The following PCDH11X variants were observed in gnomAD, a reference collection of about 807,000 sequenced individuals.
PCDH11X encodes protocadherin 11 X-linked, also known as protocadherin-11 X-linked.
Under a neutral mutation model 53.3 loss-of-function variants are expected in PCDH11X, and 18 were observed. That is an observed-to-expected ratio of 0.34 (90% CI 0.23 to 0.50). The LOEUF (loss-of-function observed/expected upper bound fraction) is 0.50, where lower values mean the gene tolerates loss of function less well. PCDH11X is among the 20% of genes least tolerant of loss of function. The probability of loss-of-function intolerance (pLI) is 0.98; values close to 1 mark genes in which losing one functional copy is unlikely to be tolerated. For synonymous variants in PCDH11X, 279 were observed against 393.3 expected (o/e 0.71, Z 3.44); for missense variants, 570 against 1,032.4 (o/e 0.55, Z 6.14).
chrX:92,038,365 C>T (rs4893298), intron 6 of PCDH11X, among the ~76,000 whole-genome samples: 9,246 of 109,968 alleles, frequency 0.084, 409 homozygotes, highest in East Asian at 0.28. Flanking sequence ...GCCCTATGTC[C>T]CAGGAGCTCC....
intron 7 of PCDH11X, among the ~76,000 whole-genome samples, chrX:92,247,361 T>C (rs899717146): frequency 3.6e-5 from 4 of 111,650 alleles, no homozygotes; most frequent in Non-Finnish European, 7.5e-5. Flanking sequence ...TTAAAAAAAA[T>C]AAATTAGTTA....
intron 10 of PCDH11X, among the ~76,000 whole-genome samples, chrX:92,567,191 G>T (rs1602346937): frequency 9.5e-6 from 1 of 105,582 alleles, no homozygotes; most frequent in African/African-American, 3.4e-5. Flanking sequence ...ATAGGAATAA[G>T]CATTGAATGA....
At chrX:92,464,416 G>A (rs1039495188) in intron 9 of PCDH11X, among the ~76,000 whole-genome samples, 2 of 110,284 alleles carry the variant, frequency 1.8e-5, no homozygotes, top group African/African-American at 6.6e-5. Flanking sequence ...GTTTTATAAG[G>A]GGCTTTTCCC....
At chrX:92,169,298 CAA>C (rs1304004109) in intron 6 of PCDH11X, among the ~76,000 whole-genome samples, 3 of 62,181 alleles carry the variant, frequency 4.8e-5, no homozygotes, top group Non-Finnish European at 1.1e-4. Flanking sequence ...TCAGAGCTTA[CAA>C]AAAAATGCTT....
chrX:92,157,401 G>A (rs192475302), intron 6 of PCDH11X, among the ~76,000 whole-genome samples: 1,456 of 111,541 alleles, frequency 0.013, 56 homozygotes, highest in Admixed American at 0.12. Flanking sequence ...AATGTAATTT[G>A]CCTTTCATTA....
At chrX:91,790,188 T>G (rs907688010) in intron 1 of PCDH11X, among the ~76,000 whole-genome samples, 2 of 111,963 alleles carry the variant, frequency 1.8e-5, no homozygotes, top group Admixed American at 9.5e-5. Context: ...TAAATTTGAT[T>G]TTAACCTTTT....
intron 7 of PCDH11X, among the ~76,000 whole-genome samples, chrX:92,235,494 G>T (rs1240842170): frequency 9.0e-6 from 1 of 111,200 alleles, no homozygotes; most frequent in Non-Finnish European, 1.9e-5. Flanking sequence ...TTTAACACAG[G>T]TGTTCCAAAT....
At chrX:92,559,440 T>TACAC (rs199701051) in intron 10 of PCDH11X, among the ~76,000 whole-genome samples, 4,274 of 100,417 alleles carry the variant, frequency 0.043, 215 homozygotes, top group African/African-American at 0.13. Flanking sequence ...CAAGTATCTT[T>TACAC]ACACACACAC....
chrX:92,506,636 G>GTT (rs201535023), intron 10 of PCDH11X, among the ~76,000 whole-genome samples: 1,272 of 89,168 alleles, frequency 0.014, 25 homozygotes, highest in African/African-American at 0.048. Flanking sequence ...CAGTTTGCTA[G>GTT]TTTTTTTTTT....
At chrX:92,481,804 GCT>G (rs1370857441) in intron 10 of PCDH11X, among the ~76,000 whole-genome samples, 1 of 108,851 alleles carries the variant, frequency 9.2e-6, no homozygotes, top group Non-Finnish European at 1.9e-5. Context: ...TCTCTAAGCA[GCT>G]CTCTCTGCCA....
Position 92,240,839 on chromosome X carries a change from C to CT in PCDH11X, c.3115-22263dup, listed in dbSNP as rs58821721. Among the ~76,000 whole-genome samples, 881 of 102,956 alleles carry CT rather than the reference C, an allele frequency of 8.6e-3. 4 individuals carry two copies. Among genetic ancestry groups the CT allele is most frequent in the African/African-American group, 0.027 (776 of 28,537 alleles). 89.4% of individuals were successfully genotyped at this position (102,956 alleles called of 115,157 possible). ...TCAGAAGTTGTAGTAGAATAAACTA[C>CT]TTTTTTTTTTTTAGCAGTTTACTTT... On this transcript the variant is annotated intron_variant, in intron 7 of 10. Coordinates refer to ENST00000682573, the MANE Select transcript of PCDH11X (RefSeq NM_032968.5).
At chrX:91,792,053 G>A (rs1935572055) in intron 1 of PCDH11X, among the ~76,000 whole-genome samples, 1 of 107,962 alleles carries the variant, frequency 9.3e-6, no homozygotes, top group Non-Finnish European at 1.9e-5. Flanking sequence ...AGTAGAGAGG[G>A]GGTTTCACCG....
intron 9 of PCDH11X, among the ~76,000 whole-genome samples, chrX:92,456,686 A>G (rs2072914606): frequency 9.0e-6 from 1 of 111,575 alleles, no homozygotes; most frequent in Admixed American, 9.6e-5. Flanking sequence ...GACTGATAAA[A>G]TAAGTTCCTC....
At chrX:92,064,791 A>C (rs182592288) in intron 6 of PCDH11X, among the ~76,000 whole-genome samples, 4 of 107,833 alleles carry the variant, frequency 3.7e-5, no homozygotes, top group African/African-American at 1.0e-4. Flanking sequence ...CCAATACAAA[A>C]GATCAAATTT....
intron 7 of PCDH11X, among the ~76,000 whole-genome samples, chrX:92,215,120 G>A (rs2066668431): frequency 9.0e-6 from 1 of 111,347 alleles, no homozygotes; most frequent in African/African-American, 3.3e-5. Context: ...CCCAGCGTGA[G>A]CGACGCAGAA....
At chrX:91,828,918 T>G (rs746250982) in intron 4 of PCDH11X, among the ~76,000 whole-genome samples, 29 of 110,906 alleles carry the variant, frequency 2.6e-4, no homozygotes, top group Non-Finnish European at 1.9e-5. Flanking sequence ...TTGGATCTTG[T>G]TTTTAGCCAT....
At chrX:92,096,432 ATGTGTATG>A (rs1344770974) in intron 6 of PCDH11X, among the ~76,000 whole-genome samples, 4 of 65,553 alleles carry the variant, frequency 6.1e-5, no homozygotes, top group African/African-American at 1.2e-4. Context: ...AGTGGAGTGT[ATGTGTATG>A]TGTGTGTGTG....
At chrX:92,330,037 T>A (rs2069426225) in intron 8 of PCDH11X, among the ~76,000 whole-genome samples, 1 of 110,877 alleles carries the variant, frequency 9.0e-6, no homozygotes, top group Non-Finnish European at 1.9e-5. Context: ...GGATACCTCA[T>A]TTACTCTGAT....
intron 10 of PCDH11X, among the ~76,000 whole-genome samples, chrX:92,559,322 T>C (rs2075096296): frequency 9.0e-6 from 1 of 111,438 alleles, no homozygotes; most frequent in African/African-American, 3.3e-5. Context: ...CAAATATTGA[T>C]GCTTGTTAAA....
Sources: gnomAD v4.1 joint callset for allele counts (sites outside exome capture counted in the v4.1 genomes callset) on GRCh38, gnomAD v4.1.1 for gene constraint, MANE v1.5 for transcripts, NCBI Gene and HGNC (gene_info 2026-07-23, HGNC 2026-07-21) for gene names.